Variants in IL18RAP observed in about 807,000 individuals in gnomAD.
The protein encoded by IL18RAP is interleukin 18 receptor accessory protein.
IL18RAP carries 37 observed loss-of-function variants against 58.1 expected under a neutral mutation model. The ratio of observed to expected loss-of-function variants is 0.64; its 90% CI spans 0.49 to 0.84. IL18RAP has a LOEUF of 0.84. Among genes scored for constraint, IL18RAP ranks in the 40% least tolerant of loss-of-function variants. The pLI, the probability that IL18RAP is intolerant of heterozygous loss-of-function variation, is 0.00. For missense variants in IL18RAP, 667 were observed against 704.8 expected, an observed-to-expected ratio of 0.95 and a Z score of 0.61; for synonymous variants, 268 against 257.5, an observed-to-expected ratio of 1.04 and a Z score of -0.39.
chr2:102,422,300 T>C (rs894531416), upstream of IL18RAP, among the ~76,000 whole-genome samples: 2 of 152,242 alleles, frequency 1.3e-5, no homozygotes, highest in African/African-American at 4.8e-5. Context: ...GTCTCTCTGC[T>C]CTGCTCCTTG....
At chr2:102,437,957 A>G (rs1573286911) in intron 4 of IL18RAP, among the ~76,000 whole-genome samples, 1 of 152,196 alleles carries the variant, frequency 6.6e-6, no homozygotes, top group African/African-American at 2.4e-5. Context: ...TGGTTTGCCA[A>G]TTTACAGCCC....
Position 102,423,362 on chromosome 2 carries a change from T to A in IL18RAP, c.70+15T>A, listed in dbSNP as rs187271900. On this transcript the variant is annotated intron_variant, in intron 1 of 9. Transcript: ENST00000687160. ...TAATATTTCAGGTAGGGGTTTTCAC[T>A]TTTCATGTTAGCACTGTGAGTCTGT... 1.9e-6 allele frequency: 3 copies of A among 1,608,202 alleles called. No individual in the cohort carries two copies. The African/African-American group carries it at 4.0e-5, about 21-fold the overall frequency.
chr2:102,445,039 T>G (rs1345342981), intron 6 of IL18RAP, 150 bp from the exon 7 acceptor site: 1 of 610,154 alleles, frequency 1.6e-6, no homozygotes, highest in East Asian at 2.8e-5. Context: ...GAGCCCTTTT[T>G]GACCATCTTA....
At chr2:102,431,291 C>G (rs1488537490) in intron 3 of IL18RAP, among the ~76,000 whole-genome samples, 1 of 152,170 alleles carries the variant, frequency 6.6e-6, no homozygotes, top group African/African-American at 2.4e-5. Flanking sequence ...CCACTGATAG[C>G]AATATTGGGA....
At chr2:102,421,019 A>G (rs1195146659), upstream of IL18RAP, among the ~76,000 whole-genome samples, 1 of 152,178 alleles carries the variant, frequency 6.6e-6, no homozygotes, top group Non-Finnish European at 1.5e-5. Flanking sequence ...TAGTGGGAGG[A>G]CAAGGTGTAA....
intron 3 of IL18RAP, chr2:102,435,402 T>C (rs780379477): frequency 6.6e-6 from 1 of 152,174 alleles, no homozygotes; most frequent in Non-Finnish European, 1.5e-5. Context: ...GTAAAATAGA[T>C]GAGTAGCATA....
chr2:102,449,018 C>T (rs1683605416), intron 8 of IL18RAP, among the ~76,000 whole-genome samples: 1 of 144,320 alleles, frequency 6.9e-6, no homozygotes, highest in African/African-American at 2.6e-5. Context: ...TGTGTAATCC[C>T]AGCACTTTGG....
intron 8 of IL18RAP, among the ~76,000 whole-genome samples, chr2:102,447,804 T>C (rs4851586): frequency 0.78 from 117,954 of 151,918 alleles, 46,837 homozygotes; most frequent in African/African-American, 0.9. Context: ...CATCTCAGCT[T>C]ACTTCAATCT....
At chr2:102,432,291 G>A (rs1481249869) in intron 3 of IL18RAP, 2 of 153,692 alleles carry the variant, frequency 1.3e-5, no homozygotes, top group Admixed American at 1.3e-4. Context: ...TGAGCTCTGT[G>A]ATTGCCTCTG....
intron 3 of IL18RAP, among the ~76,000 whole-genome samples, chr2:102,429,444 A>G (rs1462114114): frequency 6.6e-6 from 1 of 151,784 alleles, no homozygotes; most frequent in Non-Finnish European, 1.5e-5. Flanking sequence ...GATTTTATCT[A>G]TTTGAGTGTT....
At chr2:102,440,935 A>G (rs527785234) in intron 4 of IL18RAP, among the ~76,000 whole-genome samples, 2 of 152,322 alleles carry the variant, frequency 1.3e-5, no homozygotes, top group Admixed American at 6.5e-5. Flanking sequence ...CTTGACTTGC[A>G]CAGTTTCTTG....
At chr2:102,434,555 C>T (rs564478160) in intron 3 of IL18RAP, 13 of 152,198 alleles carry the variant, frequency 8.5e-5, no homozygotes, top group South Asian at 2.1e-4. Flanking sequence ...AAACTACGGG[C>T]GAGGCTAACA....
Position 102,452,379 on chromosome 2 carries a change from G to C in IL18RAP, c.*198G>C, listed in dbSNP as rs1683828463. ...TTTGATTTCCTGGACTGGACTGACG[G>C]CGAGTGAATTCTCTAGACCTTGGGT... is the stretch of plus-strand genomic sequence containing the variant. On this transcript the variant is annotated 3_prime_UTR_variant, in exon 10 of 10. Transcript: ENST00000687160. The C allele has an allele frequency of 1.9e-6, 1 of 527,598 alleles. No homozygotes were observed. The highest frequency in any genetic ancestry group is 3.3e-6 in the Non-Finnish European group (1 of 303,128). 32.7% of individuals were successfully genotyped at this position (527,598 alleles called of 1,614,324 possible). A position where few individuals can be genotyped will look rare whatever the true frequency, so the allele number is the denominator to read the frequency against.
intron 3 of IL18RAP, among the ~76,000 whole-genome samples, chr2:102,429,510 T>A (rs1475763267): frequency 6.6e-6 from 1 of 151,942 alleles, no homozygotes; most frequent in Non-Finnish European, 1.5e-5. Context: ...GTTTTTTCAG[T>A]AAACCAACTC....
At chr2:102,445,583 T>C (rs1683363988) in intron 7 of IL18RAP, among the ~76,000 whole-genome samples, 1 of 152,228 alleles carries the variant, frequency 6.6e-6, no homozygotes, top group Non-Finnish European at 1.5e-5. Flanking sequence ...GGAGGCCATG[T>C]TGGAAAAGCA....
At chr2:102,440,109 C>T (rs1330245725) in intron 4 of IL18RAP, 1 of 152,158 alleles carries the variant, frequency 6.6e-6, no homozygotes, top group Non-Finnish European at 1.5e-5. Context: ...ACCTCAGGCA[C>T]CAAGACCTTT....
chr2:102,444,479 C>G (rs1023884451), intron 6 of IL18RAP, among the ~76,000 whole-genome samples: 17 of 152,268 alleles, frequency 1.1e-4, no homozygotes, highest in Middle Eastern at 6.8e-3. Flanking sequence ...AGGTGTTATG[C>G]CTATCACAAT....
intron 7 of IL18RAP, among the ~76,000 whole-genome samples, chr2:102,446,604 C>T (rs1452179477): frequency 1.3e-5 from 2 of 152,076 alleles, no homozygotes; most frequent in Non-Finnish European, 2.9e-5. Flanking sequence ...TATCCACCAT[C>T]CTGGCTAACA....
intron 1 of IL18RAP, 78 bp from the exon 2 acceptor site, chr2:102,423,733 C>T: frequency 1.0e-5 from 10 of 991,178 alleles, no homozygotes; most frequent in Non-Finnish European, 1.5e-5. Context: ...CTTGTTAAAT[C>T]AAGTACTAGA....
Sources: allele counts gnomAD v4.1 joint callset (sites outside exome capture counted in the v4.1 genomes callset), GRCh38; gene constraint gnomAD v4.1.1; transcripts MANE v1.5; gene names NCBI Gene and HGNC (gene_info 2026-07-23, HGNC 2026-07-21).